AOPEP: variants seen among roughly 807,000 people sequenced by gnomAD.
The protein encoded by AOPEP is aminopeptidase O (putative), also known as aminopeptidase O.
AOPEP carries 77 observed loss-of-function variants against 98.1 expected under a neutral mutation model. The ratio of observed to expected loss-of-function variants is 0.78; its 90% CI spans 0.65 to 0.95. The LOEUF is 0.95. Among genes scored for constraint, AOPEP ranks in the 40% least tolerant of loss-of-function variants. The pLI is 0.00. For missense variants in AOPEP, 1,024 were observed against 1,024.7 expected (o/e 1.00, Z 0.01); for synonymous variants, 346 against 365.3 (o/e 0.95, Z 0.60).
chr9:94,908,366 G>A (rs188225838), intron 5 of AOPEP, among the ~76,000 whole-genome samples: 1 of 152,088 alleles, frequency 6.6e-6, no homozygotes, highest in African/African-American at 2.4e-5. Flanking sequence ...TCCTCCCCTT[G>A]TTGGCCCCTC....
chr9:94,809,017 G>A (rs1352054589), intron 5 of AOPEP, among the ~76,000 whole-genome samples: 1 of 152,206 alleles, frequency 6.6e-6, no homozygotes, highest in African/African-American at 2.4e-5. Flanking sequence ...AGTTGGAAAG[G>A]GGTGGATGGA....
At chr9:95,057,996 C>T (rs1192624691) in intron 13 of AOPEP, among the ~76,000 whole-genome samples, 3 of 152,176 alleles carry the variant, frequency 2.0e-5, no homozygotes, top group South Asian at 2.1e-4. Context: ...ACTTCCATCT[C>T]GCGGTCTTAA....
chr9:94,888,147 T>C lies in AOPEP; in HGVS notation c.1365-35839T>C, dbSNP rs1399572301. Reference sequence around the variant, plus strand: ...GAAAATGAAAATAAGCGAGAAAATCTCTCCATAACAGCTGAGGTGACTGTG... The same window carrying C: ...GAAAATGAAAATAAGCGAGAAAATCCCTCCATAACAGCTGAGGTGACTGTG... On this transcript the variant is annotated intron_variant, in intron 5 of 16. Coordinates refer to ENST00000375315, the MANE Select transcript of AOPEP (RefSeq NM_001193329.3). 3.3e-5 allele frequency among the ~76,000 whole-genome samples: 5 copies of C among 152,178 alleles called. No individual in the cohort carries two copies. The East Asian group carries it at 9.6e-4, about 29-fold the overall frequency.
chr9:95,090,373 C>T (rs538699976), downstream of AOPEP, among the ~76,000 whole-genome samples: 1 of 152,370 alleles, frequency 6.6e-6, no homozygotes, highest in African/African-American at 2.4e-5. Context: ...GCCGGGCAGC[C>T]CAGTGCAGGG....
At chr9:94,843,724 T>A (rs1457945231) in intron 5 of AOPEP, among the ~76,000 whole-genome samples, 1 of 152,236 alleles carries the variant, frequency 6.6e-6, no homozygotes, top group Non-Finnish European at 1.5e-5. Context: ...CTAATGATTT[T>A]GCCTCTTGAA....
intron 3 of AOPEP, among the ~76,000 whole-genome samples, chr9:94,791,085 A>G (rs1473002655): frequency 6.6e-6 from 1 of 152,148 alleles, no homozygotes; most frequent in Non-Finnish European, 1.5e-5. Flanking sequence ...ACATTGAATC[A>G]ACTTAAATGC....
chr9:95,064,447 C>G (rs1023175562), intron 14 of AOPEP, among the ~76,000 whole-genome samples: 1 of 152,184 alleles, frequency 6.6e-6, no homozygotes, highest in African/African-American at 2.4e-5. Flanking sequence ...CCCACCACCA[C>G]GCCCAGCCAA....
intron 2 of AOPEP, among the ~76,000 whole-genome samples, chr9:94,761,100 A>G (rs1463956727): frequency 2.0e-5 from 3 of 151,236 alleles, no homozygotes; most frequent in Non-Finnish European, 4.4e-5. Context: ...GTCAGTTTTC[A>G]TGTAACGTGA....
At chr9:95,140,084 C>T in the AOPEP span, among the ~76,000 whole-genome samples, 1 of 151,836 alleles carries the variant, frequency 6.6e-6, no homozygotes, top group Non-Finnish European at 1.5e-5. Flanking sequence ...CCCCCAAATC[C>T]CTACCTAATA....
chr9:95,011,328 T>TG (rs1341889080), intron 13 of AOPEP, among the ~76,000 whole-genome samples: 1 of 151,836 alleles, frequency 6.6e-6, no homozygotes, highest in Non-Finnish European at 1.5e-5. Context: ...CCCGAGTAGC[T>TG]GGGACTACAG....
At chr9:95,111,531 C>T in the AOPEP span, 1 of 1,614,154 alleles carries the variant, frequency 6.2e-7, no homozygotes, top group Non-Finnish European at 8.5e-7. Context: ...CACAGCAGGG[C>T]CGTGGGGGGT....
At chr9:95,001,112 G>T (rs2061533004) in intron 11 of AOPEP, among the ~76,000 whole-genome samples, 1 of 152,132 alleles carries the variant, frequency 6.6e-6, no homozygotes, top group East Asian at 1.9e-4. Context: ...GTAGAAGCAG[G>T]AAGAGAAAAC....
At chr9:94,901,403 A>G (rs989092986) in intron 5 of AOPEP, among the ~76,000 whole-genome samples, 7 of 152,028 alleles carry the variant, frequency 4.6e-5, no homozygotes, top group Non-Finnish European at 1.5e-5. Context: ...CACTGTCTTC[A>G]TTCATCCTTA....
At chr9:94,915,090 C>T (rs1160982180) in intron 5 of AOPEP, among the ~76,000 whole-genome samples, 1 of 152,164 alleles carries the variant, frequency 6.6e-6, no homozygotes, top group East Asian at 1.9e-4. Flanking sequence ...TCTGCTTTGA[C>T]ACATATTAAC....
At chr9:94,787,189 C>T (rs1844620800) in intron 3 of AOPEP, among the ~76,000 whole-genome samples, 1 of 152,160 alleles carries the variant, frequency 6.6e-6, no homozygotes, top group Non-Finnish European at 1.5e-5. Flanking sequence ...TGCTATCTCA[C>T]TCTCAAACTC....
chr9:94,818,917 C>T (rs1394439931), intron 5 of AOPEP, among the ~76,000 whole-genome samples: 1 of 152,164 alleles, frequency 6.6e-6, no homozygotes, highest in Non-Finnish European at 1.5e-5. Context: ...TGGCATGAAC[C>T]CAGGAGGCCG....
chr9:94,851,461 G>A (rs887240188), intron 5 of AOPEP, among the ~76,000 whole-genome samples: 4 of 152,128 alleles, frequency 2.6e-5, no homozygotes, highest in East Asian at 1.9e-4. Flanking sequence ...AAGAATGAAT[G>A]TATGTTTCTA....
chr9:94,917,894 C>T (rs2053060804), intron 5 of AOPEP, among the ~76,000 whole-genome samples: 2 of 152,116 alleles, frequency 1.3e-5, no homozygotes, highest in Admixed American at 1.3e-4. Flanking sequence ...CCTTCATCTC[C>T]ATCTTTATTT....
rs1318924613 is a variant in AOPEP, at chr9:94,977,239, G to C, written c.1917-2128G>C. ...TATTCTTGGTGGGTATGAACGCACT[G>C]TCCCCACCTTATCTGCTGCTGGACA... On this transcript the variant is annotated intron_variant, in intron 10 of 16. Coordinates refer to ENST00000375315, the MANE Select transcript of AOPEP (RefSeq NM_001193329.3). Among the ~76,000 whole-genome samples the C allele has an allele frequency of 2.0e-5, 3 of 152,150 alleles. No individual in the cohort carries two copies. The East Asian group carries it at 5.8e-4, about 29-fold the overall frequency.
Sources: allele counts gnomAD v4.1 joint callset (sites outside exome capture counted in the v4.1 genomes callset), GRCh38; gene constraint gnomAD v4.1.1; transcripts MANE v1.5; gene names NCBI Gene and HGNC (gene_info 2026-07-23, HGNC 2026-07-21).